PIBF1: variants seen among roughly 807,000 people sequenced by gnomAD.
PIBF1 encodes progesterone immunomodulatory binding factor 1, also known as progesterone-induced-blocking factor 1.
PIBF1 carries 90 observed loss-of-function variants against 112.5 expected under a neutral mutation model. That is an observed-to-expected ratio of 0.80 (90% CI 0.67 to 0.95). PIBF1 has a LOEUF of 0.95. Among genes scored for constraint, PIBF1 ranks in the 40% least tolerant of loss-of-function variants. The pLI is 0.00. For missense variants in PIBF1, 915 were observed against 852.3 expected, an observed-to-expected ratio of 1.07 and a Z score of -0.92; for synonymous variants, 301 against 288.6, an observed-to-expected ratio of 1.04 and a Z score of -0.44.
intron 9 of PIBF1, among the ~76,000 whole-genome samples, chr13:72,845,150 C>T (rs888186635): frequency 2.0e-5 from 3 of 151,858 alleles, no homozygotes; most frequent in African/African-American, 7.3e-5. Flanking sequence ...GCCCCCCACC[C>T]CCAAGTTGGC....
At chr13:72,834,064 T>C (rs911137961) in intron 8 of PIBF1, among the ~76,000 whole-genome samples, 2 of 152,236 alleles carry the variant, frequency 1.3e-5, no homozygotes, top group African/African-American at 4.8e-5. Context: ...ATGACTAATA[T>C]CTCTATAGAA....
At chr13:72,911,479 G>A (rs193015847) in intron 12 of PIBF1, among the ~76,000 whole-genome samples, 15 of 152,168 alleles carry the variant, frequency 9.9e-5, no homozygotes, top group Non-Finnish European at 1.2e-4. Context: ...AATCTGAGAC[G>A]ATACCTAAAT....
rs574389245 is a variant in PIBF1, at chr13:72,875,176, T to C, written c.1323-18608T>C. The stretch of plus-strand genomic sequence containing the variant: ...CATACAGTTTGTAGTCTTTTCATAC[T>C]GTCTTTTTTTACTTAGTAGTGTGCA... On this transcript the variant is annotated intron_variant, in intron 10 of 17. Transcript: ENST00000326291. Among the ~76,000 whole-genome samples the C allele has an allele frequency of 7.0e-4, 107 of 152,344 alleles. 1 individual carries two copies. Among genetic ancestry groups the C allele is most frequent in the African/African-American group, 2.6e-3 (107 of 41,596 alleles).
chr13:73,015,725 C>CT, intron 17 of PIBF1, 144 bp from the exon 18 acceptor site: 1 of 355,870 alleles, frequency 2.8e-6, no homozygotes, highest in Non-Finnish European at 5.0e-6. Context: ...AGTCTTCGCC[C>CT]TTAAGTATCC....
At chr13:72,902,417 A>T (rs1594159655) in intron 11 of PIBF1, among the ~76,000 whole-genome samples, 1 of 110,264 alleles carries the variant, frequency 9.1e-6, no homozygotes. Context: ...GTGTGGCTTT[A>T]AAAAAAAAAA....
chr13:72,936,918 G>A (rs1333566276), intron 14 of PIBF1, among the ~76,000 whole-genome samples: 2 of 151,962 alleles, frequency 1.3e-5, no homozygotes, highest in African/African-American at 4.8e-5. Context: ...TGAACATACT[G>A]TATCTTTACC....
At chr13:72,982,646 G>A (rs553225158) in intron 16 of PIBF1, among the ~76,000 whole-genome samples, 1 of 152,184 alleles carries the variant, frequency 6.6e-6, no homozygotes, top group South Asian at 2.1e-4. Context: ...ACAATATTTA[G>A]CAGATAATAA....
At chr13:72,851,923 G>A (rs2038179210) in intron 9 of PIBF1, among the ~76,000 whole-genome samples, 1 of 152,160 alleles carries the variant, frequency 6.6e-6, no homozygotes, top group African/African-American at 2.4e-5. Flanking sequence ...CCCACTGTGG[G>A]TCTCCTCTCA....
At chr13:72,863,756 G>A (rs1462255884) in intron 10 of PIBF1, among the ~76,000 whole-genome samples, 3 of 151,816 alleles carry the variant, frequency 2.0e-5, no homozygotes, top group Non-Finnish European at 4.4e-5. Flanking sequence ...ATTAAGGATT[G>A]TCTTAAAATA....
At chr13:72,800,480 C>T (rs184320919) in intron 5 of PIBF1, among the ~76,000 whole-genome samples, 2 of 152,298 alleles carry the variant, frequency 1.3e-5, no homozygotes, top group Admixed American at 1.3e-4. Context: ...CTCATCTCTG[C>T]GACTTGATAA....
chr13:72,870,143 A>G (rs1157868849), intron 10 of PIBF1, among the ~76,000 whole-genome samples: 2 of 152,152 alleles, frequency 1.3e-5, no homozygotes, highest in Admixed American at 6.6e-5. Context: ...AATAGAACCT[A>G]ATGGAAATTA....
chr13:72,972,906 T>C (rs899145113), intron 15 of PIBF1, among the ~76,000 whole-genome samples: 7 of 152,218 alleles, frequency 4.6e-5, no homozygotes, highest in African/African-American at 1.7e-4. Flanking sequence ...AAATATTACT[T>C]TCAGTTTTAA....
chr13:72,799,200 T>A (rs933763214), intron 5 of PIBF1, among the ~76,000 whole-genome samples: 3 of 152,262 alleles, frequency 2.0e-5, no homozygotes, highest in African/African-American at 7.2e-5. Flanking sequence ...TGCCTATATT[T>A]CTGTTTCAGA....
intron 15 of PIBF1, among the ~76,000 whole-genome samples, chr13:72,971,187 T>C (rs866842388): frequency 9.0e-6 from 1 of 111,608 alleles, no homozygotes; most frequent in African/African-American, 3.8e-5. Context: ...AGAGAGTGAG[T>C]GTGTGTGTGT....
At chr13:72,902,120 G>A (rs1182274866) in intron 11 of PIBF1, among the ~76,000 whole-genome samples, 1 of 151,770 alleles carries the variant, frequency 6.6e-6, no homozygotes, top group African/African-American at 2.4e-5. Flanking sequence ...TTATTCTAAG[G>A]GAAGTAACTC....
At chr13:72,889,447 T>C (rs1433004315) in intron 10 of PIBF1, among the ~76,000 whole-genome samples, 2 of 152,214 alleles carry the variant, frequency 1.3e-5, no homozygotes, top group African/African-American at 4.8e-5. Context: ...TACCTACTTC[T>C]GTGTATTCTT....
intron 10 of PIBF1, 131 bp from the exon 11 acceptor site, chr13:72,893,653 T>A: frequency 2.1e-6 from 1 of 471,680 alleles, no homozygotes; most frequent in Non-Finnish European, 3.6e-6. Flanking sequence ...TTATAAAAGC[T>A]TTGCTGAATA....
chr13:72,970,907 G>C (rs2042871617), intron 15 of PIBF1, among the ~76,000 whole-genome samples: 1 of 152,100 alleles, frequency 6.6e-6, no homozygotes, highest in Non-Finnish European at 1.5e-5. Flanking sequence ...CAGCAATATT[G>C]TCTGGGAAGT....
intron 10 of PIBF1, among the ~76,000 whole-genome samples, chr13:72,863,955 A>C (rs2038817652): frequency 6.6e-6 from 1 of 152,218 alleles, no homozygotes; most frequent in African/African-American, 2.4e-5. Flanking sequence ...GTTTAGGGGT[A>C]TGTATACTGT....
Sources: allele counts gnomAD v4.1 joint callset (sites outside exome capture counted in the v4.1 genomes callset), GRCh38; gene constraint gnomAD v4.1.1; transcripts MANE v1.5; gene names NCBI Gene and HGNC (gene_info 2026-07-23, HGNC 2026-07-21).